PPM1B: variants seen among roughly 807,000 people sequenced by gnomAD.
The protein encoded by PPM1B is protein phosphatase, Mg2+/Mn2+ dependent 1B.
Under a neutral mutation model 43.0 loss-of-function variants are expected in PPM1B, and 22 were observed. The ratio of observed to expected loss-of-function variants is 0.51; its 90% CI spans 0.37 to 0.73. The LOEUF (loss-of-function observed/expected upper bound fraction) is 0.73. Ranked by LOEUF, PPM1B falls within the 30% of genes least tolerant of loss-of-function variation. The probability of loss-of-function intolerance (pLI) is 0.00; values close to 1 mark genes in which losing one functional copy is unlikely to be tolerated. For synonymous variants in PPM1B, 217 were observed against 197.9 expected (o/e 1.10, Z -0.81); for missense variants, 632 against 584.2 (o/e 1.08, Z -0.84).
intron 1 of PPM1B, among the ~76,000 whole-genome samples, chr2:44,190,212 A>G (rs747842614): frequency 1.8e-4 from 27 of 147,134 alleles, no homozygotes; most frequent in African/African-American, 2.0e-4. Context: ...CTGGAGTGCA[A>G]TGGCCCAATC....
At chr2:44,189,990 A>G (rs1347168858) in intron 1 of PPM1B, among the ~76,000 whole-genome samples, 1 of 152,068 alleles carries the variant, frequency 6.6e-6, no homozygotes, top group Non-Finnish European at 1.5e-5. Context: ...AACTAGAAAC[A>G]CTTTTATCAT....
At chr2:44,194,095 C>G (rs1272896029) in intron 1 of PPM1B, among the ~76,000 whole-genome samples, 2 of 152,044 alleles carry the variant, frequency 1.3e-5, no homozygotes, top group East Asian at 3.9e-4. Flanking sequence ...TTTTATTTCT[C>G]TTAAGGATTT....
chr2:44,245,820 C>CA (rs1470376600), downstream of PPM1B, among the ~76,000 whole-genome samples: 3 of 152,160 alleles, frequency 2.0e-5, no homozygotes, highest in Non-Finnish European at 2.9e-5. Context: ...GCAATCCTGC[C>CA]AAAAACTCCT....
chr2:44,222,834 T>G (rs1188785526), intron 5 of PPM1B, among the ~76,000 whole-genome samples: 1 of 152,192 alleles, frequency 6.6e-6, no homozygotes, highest in Non-Finnish European at 1.5e-5. Context: ...CTTAAGATAC[T>G]CTATTTTATT....
intron 1 of PPM1B, among the ~76,000 whole-genome samples, chr2:44,184,969 CCACTAGATACTGTT>C (rs1668052401): frequency 6.7e-6 from 1 of 148,402 alleles, no homozygotes. Context: ...ATTAGACCGG[CCACTAGATACTGTT>C]GTGTTAGTGA....
intron 3 of PPM1B, among the ~76,000 whole-genome samples, chr2:44,212,332 A>C (rs1669510093): frequency 6.6e-6 from 1 of 152,152 alleles, no homozygotes; most frequent in African/African-American, 2.4e-5. Context: ...CAAATCTGTC[A>C]CGGCTAACTC....
At chr2:44,169,589 G>C in intron 1 of PPM1B, among the ~76,000 whole-genome samples, 1 of 152,264 alleles carries the variant, frequency 6.6e-6, no homozygotes, top group East Asian at 1.9e-4. Flanking sequence ...CAGTCTGCAA[G>C]CATCTCTTTC....
At chr2:44,177,773 T>G (rs141665995) in intron 1 of PPM1B, among the ~76,000 whole-genome samples, 72 of 152,134 alleles carry the variant, frequency 4.7e-4, no homozygotes, top group South Asian at 4.4e-3. Context: ...TGTATGTACA[T>G]GACCATATAC....
chr2:44,173,679 A>G (rs1667454477), intron 1 of PPM1B, among the ~76,000 whole-genome samples: 1 of 152,244 alleles, frequency 6.6e-6, no homozygotes, highest in Non-Finnish European at 1.5e-5. Flanking sequence ...ACAGTGGCTC[A>G]TGCCTGTAAT....
intron 1 of PPM1B, among the ~76,000 whole-genome samples, chr2:44,174,305 C>T (rs1050264384): frequency 5.9e-5 from 9 of 152,154 alleles, no homozygotes; most frequent in Admixed American, 2.0e-4. Context: ...CAGTTAAATC[C>T]GATCTCATAC....
intron 1 of PPM1B, among the ~76,000 whole-genome samples, chr2:44,195,285 C>G (rs952773986): frequency 6.6e-6 from 1 of 151,638 alleles, no homozygotes; most frequent in African/African-American, 2.4e-5. Flanking sequence ...TTCACTACAG[C>G]CTCAATCTCT....
intron 5 of PPM1B, among the ~76,000 whole-genome samples, chr2:44,226,435 C>A (rs1670212324): frequency 6.6e-6 from 1 of 152,120 alleles, no homozygotes; most frequent in South Asian, 2.1e-4. Context: ...AATGGAACAA[C>A]CTTTCATCCA....
At chr2:44,233,240 CAG>C (rs1414131594), downstream of PPM1B, 2 of 892,134 alleles carry the variant, frequency 2.2e-6, no homozygotes, top group Non-Finnish European at 2.7e-6. Flanking sequence ...TTTAAAAGCT[CAG>C]AATATCACAT....
At chr2:44,188,393 C>CTTTTTTTTTT (rs67959948) in intron 1 of PPM1B, among the ~76,000 whole-genome samples, 1 of 92,316 alleles carries the variant, frequency 1.1e-5, no homozygotes, top group Non-Finnish European at 2.1e-5. Context: ...TTCTTTCTTT[C>CTTTTTTTTTT]TTTTTTTTTT....
chr2:44,218,205 T>C lies in PPM1B; in HGVS notation c.1076+127T>C. ...TGAAATGGGTTAGTGTTTCTTATAC[T>C]AGAGAAGAACTCTTAAAACTTCAAC... is the stretch of plus-strand genomic sequence containing the variant. On this transcript the variant is annotated intron_variant, in intron 4 of 5. Coordinates refer to ENST00000282412, the MANE Select transcript of PPM1B (RefSeq NM_002706.6). 5 of 737,786 alleles carry C rather than the reference T, an allele frequency of 6.8e-6. 1 individual carries two copies. The highest frequency in any genetic ancestry group is 1.1e-5 in the Non-Finnish European group (5 of 438,962). The allele number at this position is 737,786 out of a possible 1,614,324, so 45.7% of individuals were successfully genotyped here. A position where few individuals can be genotyped will look rare whatever the true frequency, so the allele number is the denominator to read the frequency against.
chr2:44,208,503 A>G (rs1669299444), intron 2 of PPM1B, among the ~76,000 whole-genome samples: 1 of 152,010 alleles, frequency 6.6e-6, no homozygotes, highest in Non-Finnish European at 1.5e-5. Context: ...ACCTGAGGTC[A>G]GAAGTTCAAG....
intron 2 of PPM1B, among the ~76,000 whole-genome samples, chr2:44,202,714 T>A (rs1668997888): frequency 6.6e-6 from 1 of 152,206 alleles, no homozygotes; most frequent in African/African-American, 2.4e-5. Flanking sequence ...AAACATAATC[T>A]TGTGAAAAAT....
intron 1 of PPM1B, among the ~76,000 whole-genome samples, chr2:44,192,550 T>C (rs1031202324): frequency 2.6e-4 from 39 of 152,330 alleles, no homozygotes; most frequent in African/African-American, 9.1e-4. Context: ...TTCTTTAACT[T>C]GACATTATAA....
chr2:44,201,571 A>G lies in PPM1B; in HGVS notation c.372A>G (p.Arg124=), dbSNP rs1310337155. The G allele has an allele frequency of 6.2e-7, 1 of 1,614,082 alleles. No individual in the cohort carries two copies. Among genetic ancestry groups the G allele is most frequent in the African/African-American group, 1.3e-5 (1 of 74,926 alleles). ...DEYMRNFSDL[R]NGMDRSGSTA... ...ACATGCGTAACTTTTCAGACCTCAG[A>G]AACGGGATGGACAGGAGTGGTTCAA... The change falls in exon 2 of 6, where the codon AGA becomes AGG. Residue 124 remains arginine, a synonymous_variant. Transcript: ENST00000282412. This position sits in a 1 kb window ranked among gnomAD's most constrained non-coding sequence, Gnocchi z 5.4.
Sources: gnomAD v4.1 joint callset for allele counts (sites outside exome capture counted in the v4.1 genomes callset) on GRCh38, gnomAD v4.1.1 for gene constraint, Gnocchi (gnomAD v3.1) non-coding constraint, MANE v1.5 for transcripts, NCBI Gene and HGNC (gene_info 2026-07-23, HGNC 2026-07-21) for gene names.